The following NRXN1 variants were observed in gnomAD, a reference collection of about 807,000 sequenced individuals.
NRXN1 encodes the protein neurexin-1.
NRXN1 carries 39 observed loss-of-function variants against 150.9 expected under a neutral mutation model. The ratio of observed to expected loss-of-function variants is 0.26; its 90% CI spans 0.20 to 0.34. NRXN1 has a LOEUF of 0.34. NRXN1 is among the 10% of genes least tolerant of loss of function. The pLI is 1.00. For missense variants in NRXN1, 1,815 were observed against 1,949.9 expected (o/e 0.93, Z 1.30); for synonymous variants, 924 against 757.0 (o/e 1.22, Z -3.62).
intron 5 of NRXN1, among the ~76,000 whole-genome samples, chr2:50,829,963 G>A (rs1347811201): frequency 8.7e-6 from 1 of 115,114 alleles, no homozygotes; most frequent in South Asian, 2.9e-4. Flanking sequence ...GCTATCAGGA[G>A]AAACCGCACA....
chr2:50,717,485 C>A (rs1273583631), intron 5 of NRXN1, among the ~76,000 whole-genome samples: 2 of 152,226 alleles, frequency 1.3e-5, no homozygotes, highest in South Asian at 2.1e-4. Context: ...TTTTCAGTAA[C>A]AGAATAAACA....
At chr2:50,984,322 T>A (rs1026358926) in intron 2 of NRXN1, among the ~76,000 whole-genome samples, 1 of 151,410 alleles carries the variant, frequency 6.6e-6, no homozygotes, top group Non-Finnish European at 1.5e-5. Context: ...TGTATGACTC[T>A]CTATCTAAGA....
At chr2:50,845,468 C>T (rs1427938705) in intron 5 of NRXN1, among the ~76,000 whole-genome samples, 2 of 152,212 alleles carry the variant, frequency 1.3e-5, no homozygotes. Flanking sequence ...TAAAACTCCT[C>T]TATTCCAATC....
At chr2:50,231,914 T>A (rs1354057950) in intron 18 of NRXN1, among the ~76,000 whole-genome samples, 10 of 152,150 alleles carry the variant, frequency 6.6e-5, no homozygotes, top group Non-Finnish European at 1.3e-4. Flanking sequence ...AAGAAATTAT[T>A]TAAGTCATTA....
intron 18 of NRXN1, among the ~76,000 whole-genome samples, chr2:50,139,500 G>T (rs866183787): frequency 6.6e-6 from 1 of 152,080 alleles, no homozygotes; most frequent in Admixed American, 6.6e-5. Flanking sequence ...TAAAGTTAGG[G>T]CAAAAGTATG....
intron 8 of NRXN1, among the ~76,000 whole-genome samples, chr2:50,589,943 A>C (rs887801708): frequency 1.3e-5 from 2 of 152,188 alleles, no homozygotes; most frequent in African/African-American, 4.8e-5. Flanking sequence ...TTTATTCACT[A>C]TTATATCCTT....
At chr2:50,439,185 G>A (rs1337436074) in intron 17 of NRXN1, among the ~76,000 whole-genome samples, 1 of 152,194 alleles carries the variant, frequency 6.6e-6, no homozygotes, top group Non-Finnish European at 1.5e-5. Flanking sequence ...TTGGAAACAA[G>A]CAATGCAATG....
At chr2:50,722,420 T>A (rs545189386) in intron 5 of NRXN1, among the ~76,000 whole-genome samples, 19 of 152,278 alleles carry the variant, frequency 1.2e-4, no homozygotes, top group Non-Finnish European at 2.1e-4. Flanking sequence ...AGGTTAATTA[T>A]GATATATCCA....
At chr2:50,946,975 T>C (rs922427857) in intron 2 of NRXN1, among the ~76,000 whole-genome samples, 4 of 152,176 alleles carry the variant, frequency 2.6e-5, no homozygotes, top group African/African-American at 7.2e-5. Flanking sequence ...TTTCTGATTA[T>C]TGGGTTTCTT....
chr2:50,965,463 T>A (rs553470874), intron 2 of NRXN1, among the ~76,000 whole-genome samples: 147 of 151,434 alleles, frequency 9.7e-4, no homozygotes, highest in African/African-American at 2.7e-3. Context: ...GTTTGATTTT[T>A]AAAAAAAATA....
intron 5 of NRXN1, among the ~76,000 whole-genome samples, chr2:50,698,586 G>A (rs757743141): frequency 9.9e-5 from 15 of 152,104 alleles, no homozygotes; most frequent in Non-Finnish European, 2.1e-4. Context: ...TCTCAATAGA[G>A]TAAACACTAA....
At chr2:50,519,348 A>G (rs900906860) in intron 12 of NRXN1, among the ~76,000 whole-genome samples, 4 of 151,984 alleles carry the variant, frequency 2.6e-5, no homozygotes, top group African/African-American at 9.7e-5. Flanking sequence ...CTTGAATTCT[A>G]TGATTCTCTT....
At chr2:50,569,024 A>G (rs1011477449) in intron 8 of NRXN1, among the ~76,000 whole-genome samples, 6 of 152,166 alleles carry the variant, frequency 3.9e-5, no homozygotes, top group African/African-American at 1.2e-4. Context: ...CATATTGTTA[A>G]GTGAAATAAG....
intron 2 of NRXN1, among the ~76,000 whole-genome samples, chr2:50,929,095 G>A (rs989432690): frequency 6.6e-6 from 1 of 152,020 alleles, no homozygotes; most frequent in Non-Finnish European, 1.5e-5. Context: ...GCAACAGCCT[G>A]TTTTAAAATC....
intron 5 of NRXN1, among the ~76,000 whole-genome samples, chr2:50,900,406 C>A (rs1262393960): frequency 6.6e-6 from 1 of 152,130 alleles, no homozygotes; most frequent in African/African-American, 2.4e-5. Flanking sequence ...GGATCAGCCT[C>A]TAGTTGAGGT....
intron 2 of NRXN1, among the ~76,000 whole-genome samples, chr2:50,945,907 C>T (rs1440551872): frequency 1.4e-5 from 2 of 146,800 alleles, no homozygotes; most frequent in East Asian, 2.2e-4. Context: ...TATACACACA[C>T]ACACACACAC....
chr2:50,330,658 C>T lies in NRXN1; in HGVS notation c.3365-93688G>A, dbSNP rs545843730. ...ACAGGAAATATGGCTGCTCTCAGTG[C>T]AAGAAAATTTTAATGAATAAAGTAG... On this transcript the variant is annotated intron_variant, in intron 17 of 22. Transcript: ENST00000401669. Among the ~76,000 whole-genome samples the T allele has an allele frequency of 2.2e-3, 329 of 152,182 alleles. 5 individuals carry two copies. The highest frequency in any genetic ancestry group is 4.1e-3 in the Non-Finnish European group (276 of 68,006).
intron 18 of NRXN1, among the ~76,000 whole-genome samples, chr2:50,143,644 C>T (rs1707589737): frequency 6.6e-6 from 1 of 151,904 alleles, no homozygotes; most frequent in South Asian, 2.1e-4. Flanking sequence ...TTTGAAAATA[C>T]TTTAATTGAC....
At chr2:50,978,266 T>TTATATATATATATA (rs1237092456) in intron 2 of NRXN1, among the ~76,000 whole-genome samples, 3 of 33,912 alleles carry the variant, frequency 8.8e-5, no homozygotes, top group Non-Finnish European at 2.0e-4. Flanking sequence ...AATATGGATA[T>TTATATATATATATA]TATACATATA....
Sources: allele counts gnomAD v4.1 joint callset (sites outside exome capture counted in the v4.1 genomes callset), GRCh38; gene constraint gnomAD v4.1.1; transcripts MANE v1.5; gene names NCBI Gene and HGNC (gene_info 2026-07-23, HGNC 2026-07-21).